ZNF500: variants seen among roughly 807,000 people sequenced by gnomAD.
ZNF500 encodes zinc finger protein with KRAB and SCAN domains 18.
In ZNF500, 31 loss-of-function variants were observed where a neutral mutation model predicts 30.1. That is an observed-to-expected ratio of 1.03 (90% CI 0.77 to 1.39). The LOEUF is 1.39. Ranked by LOEUF, ZNF500 falls within the 40% of genes most tolerant of loss-of-function variation. The pLI is 0.00. For synonymous variants in ZNF500, 392 were observed against 282.0 expected, an observed-to-expected ratio of 1.39 and a Z score of -3.91; for missense variants, 817 against 657.8, an observed-to-expected ratio of 1.24 and a Z score of -2.65.
At chr16:4,746,344 G>T, downstream of ZNF500, 1 of 1,595,956 alleles carries the variant, frequency 6.3e-7, no homozygotes, top group South Asian at 1.1e-5. Context: ...ACAGAGAACT[G>T]ACTCCACAAC....
At chr16:4,756,875 G>A (rs561039592) in intron 5 of ZNF500, among the ~76,000 whole-genome samples, 21 of 152,120 alleles carry the variant, frequency 1.4e-4, no homozygotes, top group South Asian at 6.2e-4. Context: ...CCAGCTACTC[G>A]GGAGGCTGAG....
chr16:4,754,246 C>T (rs2142229517), intron 5 of ZNF500, among the ~76,000 whole-genome samples: 1 of 152,338 alleles, frequency 6.6e-6, no homozygotes, highest in Middle Eastern at 3.4e-3. Flanking sequence ...CTTTAAGACA[C>T]TCCCAGCCCC....
chr16:4,753,130 T>C (rs2082103132), intron 5 of ZNF500, 72 bp from the exon 6 acceptor site: 3 of 1,487,626 alleles, frequency 2.0e-6, no homozygotes, highest in Middle Eastern at 1.8e-4. Context: ...AATAGGAAAA[T>C]GAAGGCCTCA....
At chr16:4,745,817 T>C (rs2082007887), downstream of ZNF500, among the ~76,000 whole-genome samples, 1 of 151,898 alleles carries the variant, frequency 6.6e-6, no homozygotes, top group Non-Finnish European at 1.5e-5. Context: ...TCCAGGCATG[T>C]TGGTGCATGC....
At chr16:4,746,599 G>T, downstream of ZNF500, 1 of 1,432,858 alleles carries the variant, frequency 7.0e-7, no homozygotes, top group South Asian at 1.3e-5. Context: ...GATCCTGATG[G>T]GGAGGAACAG....
Position 4,765,658 on chromosome 16 carries a change from C to T in ZNF500, c.321G>A (p.Gln107=), listed in dbSNP as rs1486345924. ...CCGGCTGCTGCTCGCGTACCCGAGCCTGGATCTCCCCCGGCAGCACAGTCA... is the reference window on the plus strand; with the variant it reads ...CCGGCTGCTGCTCGCGTACCCGAGCTTGGATCTCCCCCGGCAGCACAGTCA... ...QFLTVLPGEI[Q]ARVREQQPES... is the part of the protein sequence containing the mutation. The change falls in exon 2 of 6, where the codon CAG becomes CAA. Residue 107 remains glutamine (Q), a synonymous_variant. Transcript: ENST00000219478. The T allele has an allele frequency of 6.2e-6, 10 of 1,613,700 alleles. No individual in the cohort carries two copies. Among genetic ancestry groups the T allele is most frequent in the Admixed American group, 1.7e-5 (1 of 60,026 alleles).
At chr16:4,761,482 C>CAT (rs1412728650) in intron 4 of ZNF500, among the ~76,000 whole-genome samples, 10 of 1,412 alleles carry the variant, frequency 7.1e-3, no homozygotes, top group African/African-American at 0.013. Context: ...CATACATACA[C>CAT]ACACACACAC....
downstream of ZNF500, chr16:4,747,103 T>G (rs1217315358): frequency 7.2e-6 from 10 of 1,385,268 alleles, no homozygotes; most frequent in African/African-American, 1.5e-5. Flanking sequence ...CCTGGCACAT[T>G]TACCGCCTGT....
chr16:4,745,542 T>C (rs979661790), downstream of ZNF500, among the ~76,000 whole-genome samples: 2 of 152,232 alleles, frequency 1.3e-5, no homozygotes, highest in African/African-American at 4.8e-5. Flanking sequence ...TCTATATGCC[T>C]GCCCTCCCCA....
At chr16:4,756,020 G>A (rs2082131050) in intron 5 of ZNF500, among the ~76,000 whole-genome samples, 1 of 152,178 alleles carries the variant, frequency 6.6e-6, no homozygotes. Flanking sequence ...AGACAGAGCA[G>A]ACAGGTGGCT....
intron 5 of ZNF500, among the ~76,000 whole-genome samples, chr16:4,759,951 A>G (rs2082178880): frequency 6.6e-6 from 1 of 152,224 alleles, no homozygotes; most frequent in Non-Finnish European, 1.5e-5. Context: ...AGGTGGGAGC[A>G]TCGCTTGAAC....
At chr16:4,762,420 C>G (rs1450531623) in intron 3 of ZNF500, 85 bp from the exon 4 acceptor site, 1 of 1,524,888 alleles carries the variant, frequency 6.6e-7, no homozygotes, top group African/African-American at 1.4e-5. Context: ...CCCCAACAGC[C>G]CGGCGGCTGC....
chr16:4,747,139 A>T (rs2142215051), downstream of ZNF500: 1 of 1,233,130 alleles, frequency 8.1e-7, no homozygotes, highest in South Asian at 1.5e-5. Context: ...CACCCACCGC[A>T]CAGGGTGAGG....
chr16:4,755,166 G>A (rs1567524153), intron 5 of ZNF500, among the ~76,000 whole-genome samples: 1 of 152,040 alleles, frequency 6.6e-6, no homozygotes, highest in Non-Finnish European at 1.5e-5. Context: ...ACAGCAATGC[G>A]AGAATGACCT....
At position 4,765,879 on chromosome 16, in the gene ZNF500, C is replaced by A; in HGVS notation, c.100G>T (p.Glu34Ter). The A allele has an allele frequency of 1.2e-6, 2 of 1,613,670 alleles. No homozygotes were observed. Among genetic ancestry groups the A allele is most frequent in the Non-Finnish European group, 1.7e-6 (2 of 1,179,978 alleles). Residue 34 changes from glutamate to a stop codon, truncating the protein, a stop_gained, in exon 2 of 6, where the codon GAA becomes TAA. Coordinates refer to ENST00000219478, the MANE Select transcript of ZNF500 (RefSeq NM_021646.4). LOFTEE classifies it high-confidence loss of function. The stretch of plus-strand genomic sequence containing the variant: ...TCCGTCTCCACGGAGGGCTCCTCTT[C>A]CAAGCAGAAGTCCTCCTCCACCTTC... ...IVKVEEDFCL[E>*]EEPSVETEDP...
chr16:4,760,434 G>T, intron 5 of ZNF500, 58 bp downstream of exon 5: 1 of 1,519,808 alleles, frequency 6.6e-7, no homozygotes, highest in Non-Finnish European at 9.1e-7. Flanking sequence ...CGGAGCTGGT[G>T]CCTGACAGTT....
At chr16:4,764,463 G>C (rs1314544110) in intron 2 of ZNF500, among the ~76,000 whole-genome samples, 1 of 151,560 alleles carries the variant, frequency 6.6e-6, no homozygotes, top group Non-Finnish European at 1.5e-5. Context: ...GCGACAGAGA[G>C]AGACTCTGTC....
chr16:4,760,448 A>G, intron 5 of ZNF500, 44 bp downstream of exon 5: 1 of 1,586,458 alleles, frequency 6.3e-7, no homozygotes, highest in Non-Finnish European at 8.6e-7. Flanking sequence ...GACAGTTCCT[A>G]TTTTTGGCAA....
At chr16:4,746,320 G>A, downstream of ZNF500, 1 of 1,553,010 alleles carries the variant, frequency 6.4e-7, no homozygotes, top group African/African-American at 1.4e-5. Flanking sequence ...CCCAGCGCAG[G>A]TCACAGAGTT....
Sources: allele counts gnomAD v4.1 joint callset (sites outside exome capture counted in the v4.1 genomes callset), GRCh38; gene constraint gnomAD v4.1.1; transcripts MANE v1.5; gene names NCBI Gene and HGNC (gene_info 2026-07-23, HGNC 2026-07-21).